The following SALL4 variants were observed in gnomAD, a reference collection of about 807,000 sequenced individuals.
SALL4 encodes the protein sal-like protein 4.
In SALL4, 4 loss-of-function variants were observed where a neutral mutation model predicts 60.8. The ratio of observed to expected loss-of-function variants is 0.07; its 90% CI spans 0.03 to 0.15. The LOEUF (loss-of-function observed/expected upper bound fraction) is 0.15. Among genes scored for constraint, SALL4 ranks in the 10% least tolerant of loss-of-function variants. The pLI is 1.00. For synonymous variants in SALL4, 580 were observed against 574.9 expected, an observed-to-expected ratio of 1.01 and a Z score of -0.13; for missense variants, 1,178 against 1,394.7, an observed-to-expected ratio of 0.84 and a Z score of 2.48.
At position 51,788,734 on chromosome 20, in the gene SALL4, A is replaced by G. The variant is rs1601166634; in HGVS notation, c.2742+127T>C. Reference sequence around the variant, plus strand: ...AATAAATAAACAAACTCCTGGACTCAAGCAATCCTCCCACCTCGGCCTCCC... The same window carrying G: ...AATAAATAAACAAACTCCTGGACTCGAGCAATCCTCCCACCTCGGCCTCCC... On this transcript the variant is annotated intron_variant, in intron 3 of 3. Coordinates refer to ENST00000217086, the MANE Select transcript of SALL4 (RefSeq NM_020436.5). The surrounding 1 kb of genome is among the most constrained non-coding windows in gnomAD (Gnocchi z 4.1). 1 of 1,159,344 alleles carries G rather than the reference A, an allele frequency of 8.6e-7. No individual in the cohort carries two copies. The highest frequency in any genetic ancestry group is 1.3e-6 in the Non-Finnish European group (1 of 783,608). The allele number at this position is 1,159,344 out of a possible 1,614,324, so 71.8% of individuals were successfully genotyped here.
intron 1 of SALL4, among the ~76,000 whole-genome samples, chr20:51,797,981 T>C (rs1568869112): frequency 6.6e-6 from 1 of 152,058 alleles, no homozygotes; most frequent in Admixed American, 6.6e-5. Context: ...AGAACGACAA[T>C]GAGTAGATTA....
At chr20:51,787,729 A>G (rs1422514332) in intron 3 of SALL4, among the ~76,000 whole-genome samples, 1 of 151,250 alleles carries the variant, frequency 6.6e-6, no homozygotes, top group Non-Finnish European at 1.5e-5. Flanking sequence ...CTGGTCTTCA[A>G]CTCCTGGGGT....
At chr20:51,796,363 C>T (rs2078080092) in intron 1 of SALL4, among the ~76,000 whole-genome samples, 1 of 152,150 alleles carries the variant, frequency 6.6e-6, no homozygotes, top group Admixed American at 6.5e-5. Context: ...ACTCTTACAC[C>T]TTAAGGCAAG....
In SALL4 at chr20:51,790,612, G is replaced by A. The variant is rs146604877; in HGVS notation, c.1871C>T (p.Thr624Met). 311 of 1,614,138 alleles carry A rather than the reference G, an allele frequency of 1.9e-4. No homozygotes were observed. Among genetic ancestry groups the A allele is most frequent in the Non-Finnish European group, 2.4e-4 (278 of 1,180,040 alleles). ...GVHRTNTSIK[T>M]QHSCPICQKK... is the part of the protein sequence containing the mutation. The stretch of plus-strand genomic sequence containing the variant: ...CTGGCAGATGGGGCACGAATGCTGC[G>A]TCTTAATGGATGTGTTGGTTCGGTG... Residue 624 changes from threonine to methionine, a missense_variant, in exon 2 of 4, where the codon ACG becomes ATG. Transcript: ENST00000217086. This position sits in a 1 kb window ranked among gnomAD's most constrained non-coding sequence, Gnocchi z 5.5.
intron 1 of SALL4, among the ~76,000 whole-genome samples, chr20:51,800,852 T>C (rs2078105430): frequency 6.6e-6 from 1 of 151,960 alleles, no homozygotes; most frequent in African/African-American, 2.4e-5. Context: ...GTCAAGCCGA[T>C]CCTTTTAATT....
intron 3 of SALL4, among the ~76,000 whole-genome samples, chr20:51,785,907 G>A (rs1233087637): frequency 2.6e-5 from 4 of 151,854 alleles, no homozygotes; most frequent in East Asian, 3.9e-4. Context: ...CTCCCAAAGT[G>A]CTGGAATTAC....
intron 3 of SALL4, among the ~76,000 whole-genome samples, chr20:51,787,568 G>A (rs923961512): frequency 1.3e-5 from 2 of 152,210 alleles, no homozygotes; most frequent in Non-Finnish European, 2.9e-5. Context: ...CAAGGCTTCT[G>A]CTGAAGAAGG....
Position 51,790,498 on chromosome 20 carries a change from G to A in SALL4, c.1985C>T (p.Pro662Leu). The A allele has an allele frequency of 6.2e-7, 1 of 1,614,096 alleles. No individual in the cohort carries two copies. The highest frequency in any genetic ancestry group is 8.5e-7 in the Non-Finnish European group (1 of 1,180,036). Residue 662 changes from proline to leucine, a missense_variant, in exon 2 of 4, where the codon CCC (proline) becomes CTC (leucine). Around this residue, in one of 5 missense-constraint regions of SALL4, gnomAD observed 853 missense variants for 1,036.8 expected, o/e 0.82. Transcript: ENST00000217086. The surrounding 1 kb of genome is among the most constrained non-coding windows in gnomAD (Gnocchi z 5.5). ...TGGCTCAGAACCCGTAAAGTCACAG[G>A]GATTCTCTGGCAGGGGCGTGTTGGG... is the stretch of plus-strand genomic sequence containing the variant. ...QIPNTPLPEN[P>L]CDFTGSEPMT...
chr20:51,786,093 T>TG (rs1480172142), intron 3 of SALL4, among the ~76,000 whole-genome samples: 3 of 142,902 alleles, frequency 2.1e-5, no homozygotes, highest in East Asian at 2.1e-4. Flanking sequence ...CTAATTGTTT[T>TG]TTTTTTTTTT....
rs946047850 is a variant in SALL4, at chr20:51,791,987, G to C, written c.496C>G (p.Gln166Glu). ...CCTTTGGCTAAATAGCTTATGTCCT[G>C]GGGGGTGGGTGGCAGGGCTGTCTCT... ...KTETALPPTP[Q>E]DISYLAKGKV... The change falls in exon 2 of 4, where the codon CAG becomes GAG. Residue 166 changes from glutamine to glutamate, a missense_variant. Physicochemically the swap from Gln to Glu is conservative, Grantham distance 29. Coordinates refer to ENST00000217086, the MANE Select transcript of SALL4 (RefSeq NM_020436.5). The surrounding 1 kb of genome is among the most constrained non-coding windows in gnomAD (Gnocchi z 4.6). 3 of 1,613,968 alleles carry C rather than the reference G, an allele frequency of 1.9e-6. No homozygotes were observed. The highest frequency in any genetic ancestry group is 2.5e-6 in the Non-Finnish European group (3 of 1,179,996).
At position 51,801,288 on chromosome 20, in the gene SALL4, C is replaced by A. The variant is rs1005807006; in HGVS notation, c.130+991G>T. Among the ~76,000 whole-genome samples the A allele has an allele frequency of 6.6e-6, 1 of 152,212 alleles. No individual in the cohort carries two copies. Among genetic ancestry groups the A allele is most frequent in the African/African-American group, 2.4e-5 (1 of 41,468 alleles). ...CTGGCGCGGCTGGGGTCCCGAACTC[C>A]CCTCGATCTGGGAAACGCTGGCCGC... On this transcript the variant is annotated intron_variant, in intron 1 of 3. Transcript: ENST00000217086. The surrounding 1 kb of genome is among the most constrained non-coding windows in gnomAD (Gnocchi z 5.2).
Position 51,801,118 on chromosome 20 carries a change from C to T in SALL4, c.130+1161G>A, listed in dbSNP as rs988534123. Among the ~76,000 whole-genome samples, 17 of 152,054 alleles carry T rather than the reference C, an allele frequency of 1.1e-4. No individual in the cohort carries two copies. The highest frequency in any genetic ancestry group is 2.6e-4 in the Admixed American group (4 of 15,276). Reference sequence around the variant, plus strand: ...CAAGGCCGGAGAGGAGGCTACAAATCCCCCCTCCCCCCACGCGCACGCTAA... The same window carrying T: ...CAAGGCCGGAGAGGAGGCTACAAATTCCCCCTCCCCCCACGCGCACGCTAA... On this transcript the variant is annotated intron_variant, in intron 1 of 3. Transcript: ENST00000217086. The surrounding 1 kb of genome is among the most constrained non-coding windows in gnomAD (Gnocchi z 5.2).
rs377050048 is a variant in SALL4, at chr20:51,789,170, C to T, written c.2462-29G>A. 3.1e-6 allele frequency: 5 copies of T among 1,611,214 alleles called. No individual in the cohort carries two copies. In the African/African-American group the frequency reaches 5.3e-5, roughly 17 times the overall value. On this transcript the variant is annotated intron_variant, in intron 2 of 3. Coordinates refer to ENST00000217086, the MANE Select transcript of SALL4 (RefSeq NM_020436.5). Reference sequence around the variant, plus strand: ...GTACACAGAGGGGAAAAAAGCCAGACCTTTATCATCCAACCTTCATTCTTT... The same window carrying T: ...GTACACAGAGGGGAAAAAAGCCAGATCTTTATCATCCAACCTTCATTCTTT...
chr20:51,793,851 T>C (rs1412354805), intron 1 of SALL4, among the ~76,000 whole-genome samples: 1 of 152,172 alleles, frequency 6.6e-6, no homozygotes, highest in Non-Finnish European at 1.5e-5. Context: ...CAATATGAAG[T>C]CTTGCAAGGT....
chr20:51,798,321 CAAGGTTAGGG>C (rs1378823840), intron 1 of SALL4, among the ~76,000 whole-genome samples: 1 of 151,716 alleles, frequency 6.6e-6, no homozygotes, highest in Non-Finnish European at 1.5e-5. Flanking sequence ...TGTTTGCTTC[CAAGGTTAGGG>C]AAGTGTCCCA....
chr20:51,793,108 G>T (rs1017810086), intron 1 of SALL4: 21 of 287,432 alleles, frequency 7.3e-5, no homozygotes, highest in Non-Finnish European at 1.1e-4. Flanking sequence ...GAAATATGCA[G>T]AATTTCTGTA....
chr20:51,793,317 T>TAA (rs146451965), intron 1 of SALL4, among the ~76,000 whole-genome samples: 2 of 151,480 alleles, frequency 1.3e-5, no homozygotes, highest in African/African-American at 4.9e-5. Flanking sequence ...CCCGTCTCTA[T>TAA]AAAAAAAATA....
At chr20:51,786,103 T>TC (rs1182878369) in intron 3 of SALL4, among the ~76,000 whole-genome samples, 3 of 149,468 alleles carry the variant, frequency 2.0e-5, no homozygotes, top group Admixed American at 6.7e-5. Context: ...TTTTTTTTTT[T>TC]TGAGACAGAG....
In SALL4 at chr20:51,790,802, C is replaced by T. The variant is rs1362376579; in HGVS notation, c.1681G>A (p.Ala561Thr). The T allele has an allele frequency of 1.9e-5, 30 of 1,613,948 alleles. No homozygotes were observed. Among genetic ancestry groups the T allele is most frequent in the Non-Finnish European group, 2.5e-5 (29 of 1,180,026 alleles). ...LQQLVENIDKATTDPNECLIC... is the reference protein window; with the variant it reads ...LQQLVENIDKTTTDPNECLIC... ...AGACATTCGTTGGGATCAGTGGTGGCCTTGTCAATGTTCTCCACCAACTGC... is the reference window on the plus strand; with the variant it reads ...AGACATTCGTTGGGATCAGTGGTGGTCTTGTCAATGTTCTCCACCAACTGC... The change falls in exon 2 of 4, where the codon GCC (alanine) becomes ACC (threonine). Residue 561 changes from alanine (A) to threonine (T), a missense_variant. By Grantham distance (58) the Ala-to-Thr change is moderately conservative (BLOSUM62 0). Around this residue, in one of 5 missense-constraint regions of SALL4, gnomAD observed 853 missense variants for 1,036.8 expected, o/e 0.82. Coordinates refer to ENST00000217086, the MANE Select transcript of SALL4 (RefSeq NM_020436.5). The surrounding 1 kb of genome is among the most constrained non-coding windows in gnomAD (Gnocchi z 5.5).
Sources: gnomAD v4.1 joint callset for allele counts (sites outside exome capture counted in the v4.1 genomes callset) on GRCh38, gnomAD v4.1.1 for gene constraint, gnomAD v4.1.1 regional missense constraint, Gnocchi (gnomAD v3.1) non-coding constraint, MANE v1.5 for transcripts, NCBI Gene and HGNC (gene_info 2026-07-23, HGNC 2026-07-21) for gene names.